The following ASB6 variants were observed in gnomAD, a reference collection of about 807,000 sequenced individuals.
The protein encoded by ASB6 is ankyrin repeat and SOCS box containing 6.
A neutral mutation model predicts 28.6 loss-of-function variants in ASB6; 24 were observed. That is an observed-to-expected ratio of 0.84 (90% confidence interval 0.61 to 1.18). ASB6 has a LOEUF of 1.18. Ranked by LOEUF, ASB6 falls within the 50% of genes most tolerant of loss-of-function variation. The probability of loss-of-function intolerance (pLI) is 0.00; values close to 1 mark genes in which losing one functional copy is unlikely to be tolerated. For missense variants in ASB6, 519 were observed against 559.8 expected (o/e 0.93, Z 0.74); for synonymous variants, 267 against 243.4 (o/e 1.10, Z -0.90).
intron 1 of ASB6, 156 bp from the exon 2 acceptor site, chr9:129,640,878 G>T (rs1831679839): frequency 1.2e-6 from 1 of 846,126 alleles, no homozygotes. Context: ...GAAGTAGAGA[G>T]AGGGCCACGC....
intron 4 of ASB6, 37 bp downstream of exon 4, chr9:129,639,165 G>A (rs1831631795): frequency 1.5e-5 from 24 of 1,561,832 alleles, no homozygotes; most frequent in Non-Finnish European, 2.1e-5. Flanking sequence ...GGTGCCTGGG[G>A]GCCCAGCTGT....
In ASB6 at chr9:129,634,995, TG is replaced by T; in HGVS notation, c.*2794del. 1 of 592,058 alleles carries T rather than the reference TG, an allele frequency of 1.7e-6. No homozygotes were observed. The highest frequency in any genetic ancestry group is 2.9e-6 in the Non-Finnish European group (1 of 340,088). The allele number at this position is 592,058 out of a possible 1,614,324, so 36.7% of individuals were successfully genotyped here. ...CCCGTCAAGTCAAATTCTGGCTTAA[TG>T]TGTCTTTAGGTAGATGACCTCTGAG... On this transcript the variant is annotated 3_prime_UTR_variant, in exon 6 of 6. Transcript: ENST00000277458.
At chr9:129,639,572 C>A in intron 2 of ASB6, 64 bp from the exon 3 acceptor site, 1 of 1,422,230 alleles carries the variant, frequency 7.0e-7, no homozygotes, top group Non-Finnish European at 9.6e-7. Context: ...GCCCCCGGAC[C>A]CAGAGCCCAG....
chr9:129,635,806 A>T lies in ASB6; in HGVS notation c.*1984T>A, dbSNP rs1226284813. On this transcript the variant is annotated 3_prime_UTR_variant, in exon 6 of 6. Transcript: ENST00000277458. ...GGGCCTCCAGCCCGGCCTTCCAGCC[A>T]TGGGCCTGGCTGCCTGAAGAGGAAG... 1 of 252,880 alleles carries T rather than the reference A, an allele frequency of 4.0e-6. No individual in the cohort carries two copies. Among genetic ancestry groups the T allele is most frequent in the South Asian group, 5.9e-5 (1 of 16,832 alleles). 15.7% of individuals were successfully genotyped at this position (252,880 alleles called of 1,614,324 possible).
Position 129,638,169 on chromosome 9 carries a change from C to CA in ASB6, c.886dup (p.Cys296LeufsTer10). 1 of 1,613,742 alleles carries CA rather than the reference C, an allele frequency of 6.2e-7. No individual in the cohort carries two copies. Among genetic ancestry groups the CA allele is most frequent in the Non-Finnish European group, 8.5e-7 (1 of 1,179,886 alleles). The stretch of plus-strand genomic sequence containing the variant: ...AAAGATGATGTGAAAGCCAGACCAG[C>CA]AGGACGCACCGTGCAGGGAGCAGTT... On this transcript the variant is annotated frameshift_variant, in exon 6 of 6. Transcript: ENST00000277458. LOFTEE classifies it high-confidence loss of function.
rs758976003 is a variant in ASB6 at position 129,635,508 on chromosome 9, G to A, written c.*2282C>T. 1.6e-5 allele frequency: 25 copies of A among 1,576,906 alleles called. No homozygotes were observed. The East Asian group carries it at 4.3e-4, about 27-fold the overall frequency. On this transcript the variant is annotated 3_prime_UTR_variant, in exon 6 of 6. Coordinates refer to ENST00000277458, the MANE Select transcript of ASB6 (RefSeq NM_017873.4). ...AACTGAGGAACCACAGTCCTGGTGGGGGGAGCTGGCAGCTGGGCAAGATCC... is the reference window on the plus strand; with the variant it reads ...AACTGAGGAACCACAGTCCTGGTGGAGGGAGCTGGCAGCTGGGCAAGATCC...
intron 1 of ASB6, chr9:129,641,131 T>G (rs1831688183): frequency 4.7e-6 from 1 of 213,170 alleles, no homozygotes; most frequent in Non-Finnish European, 9.5e-6. Context: ...CGGCAACACC[T>G]GCAGCCAGGA....
chr9:129,638,167 A>G lies in ASB6; in HGVS notation c.889T>C (p.Trp297Arg). 6.2e-7 allele frequency: 1 copy of G among 1,613,884 alleles called. No individual in the cohort carries two copies. The highest frequency in any genetic ancestry group is 8.5e-7 in the Non-Finnish European group (1 of 1,179,940). Residue 297 changes from tryptophan to arginine, a missense_variant, in exon 6 of 6, where the codon TGG (tryptophan) becomes CGG (arginine). Trp to Arg is a moderately radical substitution (Grantham distance 101, BLOSUM62 -3). Coordinates refer to ENST00000277458, the MANE Select transcript of ASB6 (RefSeq NM_017873.4). ...YNCSLHGASCWSGFHIIFERL... is the reference protein window; with the variant it reads ...YNCSLHGASCRSGFHIIFERL... ...TCAAAGATGATGTGAAAGCCAGACCAGCAGGACGCACCGTGCAGGGAGCAG... is the reference window on the plus strand; with the variant it reads ...TCAAAGATGATGTGAAAGCCAGACCGGCAGGACGCACCGTGCAGGGAGCAG...
rs1225884959 is a variant in ASB6, at chr9:129,637,785, A to C, written c.*5T>G. ...GTGTCCCCCGTTCCTGTAGCCTGAG[A>C]CCTATCAGATGTCATCTTCCACGGA... On this transcript the variant is annotated 3_prime_UTR_variant, in exon 6 of 6. Coordinates refer to ENST00000277458, the MANE Select transcript of ASB6 (RefSeq NM_017873.4). 9.3e-6 allele frequency: 14 copies of C among 1,508,342 alleles called. No homozygotes were observed. The highest frequency in any genetic ancestry group is 1.2e-5 in the Non-Finnish European group (14 of 1,128,902). 93.4% of individuals were successfully genotyped at this position (1,508,342 alleles called of 1,614,324 possible).
At chr9:129,639,952 G>A (rs957464472) in intron 2 of ASB6, among the ~76,000 whole-genome samples, 1 of 152,192 alleles carries the variant, frequency 6.6e-6, no homozygotes, top group Non-Finnish European at 1.5e-5. Context: ...CTTCGGATGG[G>A]GAAAGGAGAC....
intron 1 of ASB6, 131 bp downstream of exon 1, chr9:129,641,756 G>T: frequency 9.8e-7 from 1 of 1,015,284 alleles, no homozygotes; most frequent in Non-Finnish European, 1.3e-6. Context: ...TCCGAGCCAC[G>T]CAACCCCGGC....
At position 129,639,308 on chromosome 9, in the gene ASB6, G is replaced by T; in HGVS notation, c.405C>A (p.Ile135=). The stretch of plus-strand genomic sequence containing the variant: ...CCAGGTCCAAGGGGCTACTCTCGTG[G>T]ATCTGAGCCAAGGAAGCACAGCCAG... ...HGADVNRRDR[I]HESSPLDLAS... Residue 135 remains isoleucine, a splice_region_variant and synonymous_variant, in exon 4 of 6, where the codon ATC becomes ATA. Coordinates refer to ENST00000277458, the MANE Select transcript of ASB6 (RefSeq NM_017873.4). 1.2e-6 allele frequency: 2 copies of T among 1,610,732 alleles called. No homozygotes were observed. Among genetic ancestry groups the T allele is most frequent in the Non-Finnish European group, 1.7e-6 (2 of 1,177,542 alleles).
chr9:129,641,605 G>A (rs1831701456), intron 1 of ASB6, among the ~76,000 whole-genome samples: 1 of 152,244 alleles, frequency 6.6e-6, no homozygotes, highest in African/African-American at 2.4e-5. Flanking sequence ...GCCGGGGGGT[G>A]GCACAGGACA....
Position 129,638,559 on chromosome 9 carries a change from C to T in ASB6, c.598+14G>A, listed in dbSNP as rs140484737. The T allele has an allele frequency of 4.3e-5, 70 of 1,613,586 alleles. No homozygotes were observed. The Middle Eastern group carries it at 4.9e-4, about 11-fold the overall frequency. On this transcript the variant is annotated intron_variant, in intron 5 of 5. Transcript: ENST00000277458. ...CGGGTGAGAGGACGAGGCCTAGGAG[C>T]GCGCCAGCCTCACCTCCTTCCAGTA...
In ASB6 at chr9:129,634,918, G is replaced by C. The variant is rs1831436425; in HGVS notation, c.*2872C>G. ...GGTTCACTCCTCCGATCCAAGCCTGGCAGGGGTGGGGCATCATGGTGTGTA... is the reference window on the plus strand; with the variant it reads ...GGTTCACTCCTCCGATCCAAGCCTGCCAGGGGTGGGGCATCATGGTGTGTA... On this transcript the variant is annotated 3_prime_UTR_variant, in exon 6 of 6. Coordinates refer to ENST00000277458, the MANE Select transcript of ASB6 (RefSeq NM_017873.4). 1 of 414,232 alleles carries C rather than the reference G, an allele frequency of 2.4e-6. No individual in the cohort carries two copies. The highest frequency in any genetic ancestry group is 4.0e-5 in the Admixed American group (1 of 24,836). The allele number at this position is 414,232 out of a possible 1,614,324, so 25.7% of individuals were successfully genotyped here.
intron 4 of ASB6, 26 bp from the exon 5 acceptor site, chr9:129,638,685 G>C (rs773162470): frequency 5.0e-6 from 8 of 1,598,294 alleles, no homozygotes; most frequent in South Asian, 1.1e-5. Flanking sequence ...GAGCAAGGAG[G>C]AGCAGGAGGC....
intron 1 of ASB6, chr9:129,641,114 C>G (rs1235801323): frequency 4.5e-6 from 1 of 223,118 alleles, no homozygotes; most frequent in Non-Finnish European, 8.9e-6. Flanking sequence ...CCGCAGGACC[C>G]CAGCCCCGGC....
rs776069917 is a variant in ASB6, at chr9:129,638,386, T to C, written c.670A>G (p.Thr224Ala). 4 of 1,613,662 alleles carry C rather than the reference T, an allele frequency of 2.5e-6. No individual in the cohort carries two copies. Among genetic ancestry groups the C allele is most frequent in the Non-Finnish European group, 3.4e-6 (4 of 1,179,980 alleles). ...FTCIIFLLGE[T>A]VGGDKEEAQM... ...GCCTCCTCTTTGTCCCCTCCCACGG[T>C]CTCACCAAGCAGGAAGATGATGCAG... Residue 224 changes from threonine (T) to alanine (A), a missense_variant, in exon 6 of 6, where the codon ACC (threonine) becomes GCC (alanine). By Grantham distance (58) the Thr-to-Ala change is moderately conservative. Coordinates refer to ENST00000277458, the MANE Select transcript of ASB6 (RefSeq NM_017873.4).
Position 129,637,790 on chromosome 9 carries a change from T to G in ASB6, c.1266A>C (p.Ter422CysextTer1). 6.6e-7 allele frequency: 1 copy of G among 1,510,674 alleles called. No individual in the cohort carries two copies. Among genetic ancestry groups the G allele is most frequent in the Non-Finnish European group, 8.8e-7 (1 of 1,129,998 alleles). The allele number at this position is 1,510,674 out of a possible 1,614,324, so 93.6% of individuals were successfully genotyped here. A position where few individuals can be genotyped will look rare whatever the true frequency, so the allele number is the denominator to read the frequency against. Residue 422 changes from the stop codon to cysteine, a stop_lost, in exon 6 of 6, where the codon TGA becomes TGC. Coordinates refer to ENST00000277458, the MANE Select transcript of ASB6 (RefSeq NM_017873.4). ...CCCCGTTCCTGTAGCCTGAGACCTA[T>G]CAGATGTCATCTTCCACGGAGCCAC... The part of the protein sequence containing the change: ...EHSGSVEDDI[*>C]
Sources: gnomAD v4.1 joint callset for allele counts (sites outside exome capture counted in the v4.1 genomes callset) on GRCh38, gnomAD v4.1.1 for gene constraint, MANE v1.5 for transcripts, NCBI Gene and HGNC (gene_info 2026-07-23, HGNC 2026-07-21) for gene names.